Variants in TAFA5 observed in about 807,000 individuals in gnomAD.
The protein encoded by TAFA5 is TAFA chemokine like family member 5.
TAFA5 carries 6 observed loss-of-function variants against 15.3 expected under a neutral mutation model. The observed-to-expected ratio is 0.39, with a 90% CI of 0.21 to 0.77. The LOEUF is 0.77. Ranked by LOEUF, TAFA5 falls within the 30% of genes least tolerant of loss-of-function variation. The pLI is 0.41. For synonymous variants in TAFA5, 103 were observed against 80.7 expected, an observed-to-expected ratio of 1.28 and a Z score of -1.48; for missense variants, 161 against 193.1, an observed-to-expected ratio of 0.83 and a Z score of 0.98.
chr22:48,620,608 C>CTATCCACCCACCCACCATCCCCCATCG (rs1293482050), intron 1 of TAFA5, among the ~76,000 whole-genome samples: 7 of 148,288 alleles, frequency 4.7e-5, no homozygotes, highest in Non-Finnish European at 7.5e-5. Flanking sequence ...CCTACCCATC[C>CTATCCACCCACCCACCATCCCCCATCG]TATCCACCCA....
Position 48,522,503 on chromosome 22 carries a change from C to G in TAFA5, c.112+32799C>G, listed in dbSNP as rs572803020. Among the ~76,000 whole-genome samples the G allele has an allele frequency of 1.9e-4, 29 of 152,228 alleles. No homozygotes were observed. In the East Asian group the frequency reaches 4.8e-3, roughly 25 times the overall value. ...GGGCTCCCTGGGGCAGTGGTTGTGA[C>G]TCTACACTCGCGTCCTCCGCTTCTG... is the stretch of plus-strand genomic sequence containing the variant. On this transcript the variant is annotated intron_variant, in intron 1 of 3. Transcript: ENST00000402357.
At chr22:48,740,292 CG>C (rs1930142378) in intron 3 of TAFA5, among the ~76,000 whole-genome samples, 1 of 151,994 alleles carries the variant, frequency 6.6e-6, no homozygotes, top group Admixed American at 6.5e-5. Flanking sequence ...GCTGCAGGAG[CG>C]GGGGCCCTGG....
intron 1 of TAFA5, among the ~76,000 whole-genome samples, chr22:48,551,048 C>T (rs1271744077): frequency 2.0e-5 from 3 of 151,936 alleles, no homozygotes; most frequent in Non-Finnish European, 2.9e-5. Context: ...TCTGAGGGCA[C>T]CCCTGGGGAA....
rs1922811289 is a variant in TAFA5, at chr22:48,550,227, G to A, written c.112+60523G>A. ...CTAGAGAAGGCTCCAGGAGTTGAGT[G>A]CTTGGCTCCAGGGCCTGGGCAGATG... On this transcript the variant is annotated intron_variant, in intron 1 of 3. Coordinates refer to ENST00000402357, the MANE Select transcript of TAFA5 (RefSeq NM_001082967.3). This position sits in a 1 kb window ranked among gnomAD's most constrained non-coding sequence, Gnocchi z 4.1. 6.6e-6 allele frequency among the ~76,000 whole-genome samples: 1 copy of A among 152,240 alleles called. No individual in the cohort carries two copies. The highest frequency in any genetic ancestry group is 1.5e-5 in the Non-Finnish European group (1 of 68,040).
chr22:48,529,744 T>C (rs1921910708), intron 1 of TAFA5, among the ~76,000 whole-genome samples: 1 of 151,880 alleles, frequency 6.6e-6, no homozygotes, highest in South Asian at 2.1e-4. Flanking sequence ...ATCAGGATTT[T>C]CCATAGAGAC....
intron 1 of TAFA5, among the ~76,000 whole-genome samples, chr22:48,542,623 G>A (rs1922484390): frequency 1.0e-5 from 1 of 100,158 alleles, no homozygotes; most frequent in Non-Finnish European, 2.0e-5. Context: ...TGTGTGTGGT[G>A]TGTGTGGGTG....
chr22:48,675,982 A>T (rs1160114894), intron 2 of TAFA5, among the ~76,000 whole-genome samples: 1 of 152,282 alleles, frequency 6.6e-6, no homozygotes, highest in African/African-American at 2.4e-5. Context: ...ACTGGCAAGC[A>T]GGTGCTGCCT....
At position 48,572,704 on chromosome 22, in the gene TAFA5, T is replaced by C. The variant is rs1923632024; in HGVS notation, c.113-73893T>C. Among the ~76,000 whole-genome samples, 6 of 152,188 alleles carry C rather than the reference T, an allele frequency of 3.9e-5. No homozygotes were observed. In the South Asian group the frequency reaches 1.2e-3, roughly 32 times the overall value. On this transcript the variant is annotated intron_variant, in intron 1 of 3. Coordinates refer to ENST00000402357, the MANE Select transcript of TAFA5 (RefSeq NM_001082967.3). ...TACCTGATGAAGAAGATCAATTATA[T>C]CCACATGCAGTTAGCAAATGGTAAA...
intron 1 of TAFA5, among the ~76,000 whole-genome samples, chr22:48,573,043 C>A (rs141178412): frequency 4.3e-4 from 65 of 152,354 alleles, no homozygotes; most frequent in African/African-American, 1.4e-3. Context: ...TGTCCCCGGG[C>A]AGAAGGCACC....
chr22:48,532,555 G>C (rs133475), intron 1 of TAFA5, among the ~76,000 whole-genome samples: 41,896 of 152,220 alleles, frequency 0.28, 6,638 homozygotes, highest in Non-Finnish European at 0.36. Flanking sequence ...GGTGGGGTTA[G>C]TGAGGCAGGT....
At chr22:48,674,042 A>T in intron 2 of TAFA5, among the ~76,000 whole-genome samples, 1 of 132,130 alleles carries the variant, frequency 7.6e-6, no homozygotes, top group African/African-American at 3.5e-5. Flanking sequence ...CGCCCGCCTC[A>T]CATCTGGACT....
chr22:48,704,747 A>G (rs950591314), intron 2 of TAFA5, among the ~76,000 whole-genome samples: 1 of 151,804 alleles, frequency 6.6e-6, no homozygotes, highest in Non-Finnish European at 1.5e-5. Context: ...GGATGTTCCC[A>G]TGTCTCCTGG....
chr22:48,628,255 G>T (rs1387732288), intron 1 of TAFA5, among the ~76,000 whole-genome samples: 6 of 152,194 alleles, frequency 3.9e-5, no homozygotes, highest in Admixed American at 3.9e-4. Flanking sequence ...GGGGACATGG[G>T]GAGGCTGGCT....
At chr22:48,576,955 G>A (rs1390470816) in intron 1 of TAFA5, among the ~76,000 whole-genome samples, 1 of 152,110 alleles carries the variant, frequency 6.6e-6, no homozygotes, top group Admixed American at 6.5e-5. Flanking sequence ...AGCGCTCCAC[G>A]GTGGCCGGCC....
At chr22:48,645,607 G>A (rs4925393) in intron 1 of TAFA5, among the ~76,000 whole-genome samples, 4 of 152,176 alleles carry the variant, frequency 2.6e-5, no homozygotes, top group Non-Finnish European at 5.9e-5. Context: ...TGCTTCCCTC[G>A]TGCCCTGTGG....
chr22:48,604,616 C>A (rs1296596115), intron 1 of TAFA5, among the ~76,000 whole-genome samples: 3 of 152,208 alleles, frequency 2.0e-5, no homozygotes, highest in African/African-American at 7.2e-5. Context: ...GCTTTGTTTT[C>A]GAAATTTCTC....
chr22:48,589,326 C>A (rs1161104278), intron 1 of TAFA5, among the ~76,000 whole-genome samples: 1 of 152,192 alleles, frequency 6.6e-6, no homozygotes, highest in Non-Finnish European at 1.5e-5. Flanking sequence ...ACTTGAGTCT[C>A]TGCACCTGTG....
chr22:48,715,627 C>T (rs2147256950), intron 3 of TAFA5, among the ~76,000 whole-genome samples: 1 of 152,316 alleles, frequency 6.6e-6, no homozygotes, highest in Middle Eastern at 3.4e-3. Context: ...GGCTCTGACC[C>T]CTGAGCCCTG....
At chr22:48,727,939 A>G (rs184436198) in intron 3 of TAFA5, among the ~76,000 whole-genome samples, 1 of 152,306 alleles carries the variant, frequency 6.6e-6, no homozygotes, top group Non-Finnish European at 1.5e-5. Context: ...TGTAAACACA[A>G]TTACAAATAA....
Sources: gnomAD v4.1 joint callset for allele counts (sites outside exome capture counted in the v4.1 genomes callset) on GRCh38, gnomAD v4.1.1 for gene constraint, Gnocchi (gnomAD v3.1) non-coding constraint, MANE v1.5 for transcripts, NCBI Gene and HGNC (gene_info 2026-07-23, HGNC 2026-07-21) for gene names.